CSMD1: variants seen among roughly 807,000 people sequenced by gnomAD.
The protein encoded by CSMD1 is CUB and sushi domain-containing protein 1.
A neutral mutation model predicts 417.5 loss-of-function variants in CSMD1; 213 were observed. The observed-to-expected ratio is 0.51, with a 90% CI of 0.46 to 0.57. The LOEUF (loss-of-function observed/expected upper bound fraction) is 0.57. Among genes scored for constraint, CSMD1 ranks in the 20% least tolerant of loss-of-function variants. The pLI, the probability that CSMD1 is intolerant of heterozygous loss-of-function variation, is 0.00. For synonymous variants in CSMD1, 2,862 were observed against 1,736.8 expected, an observed-to-expected ratio of 1.65 and a Z score of -16.11; for missense variants, 6,923 against 4,529.7, an observed-to-expected ratio of 1.53 and a Z score of -15.17.
chr8:3,295,408 G>A (rs1015537704), intron 25 of CSMD1, among the ~76,000 whole-genome samples: 8 of 152,136 alleles, frequency 5.3e-5, no homozygotes, highest in Admixed American at 2.0e-4. Context: ...TTAGAGGTGT[G>A]AGCCACTGAG....
At chr8:3,995,509 C>T (rs1024281534) in intron 5 of CSMD1, among the ~76,000 whole-genome samples, 1 of 152,172 alleles carries the variant, frequency 6.6e-6, no homozygotes, top group East Asian at 1.9e-4. Flanking sequence ...TCTGACAGGG[C>T]ATTGAAGCTC....
chr8:4,101,801 C>G (rs1164619753), intron 3 of CSMD1, among the ~76,000 whole-genome samples: 1 of 149,002 alleles, frequency 6.7e-6, no homozygotes, highest in East Asian at 2.0e-4. Context: ...TCTGTGAGTT[C>G]AAAGTGAACG....
intron 1 of CSMD1, among the ~76,000 whole-genome samples, chr8:4,881,181 C>G (rs1243437700): frequency 6.6e-6 from 1 of 152,156 alleles, no homozygotes; most frequent in South Asian, 2.1e-4. Flanking sequence ...TAGCAGTTTC[C>G]TTTGTGTGCT....
intron 5 of CSMD1, among the ~76,000 whole-genome samples, chr8:3,786,129 G>T (rs916447024): frequency 6.6e-6 from 1 of 152,092 alleles, no homozygotes; most frequent in Non-Finnish European, 1.5e-5. Flanking sequence ...TAGAGGTGAG[G>T]CTGCTTAGCA....
chr8:3,599,473 G>A (rs569887629), intron 8 of CSMD1, among the ~76,000 whole-genome samples: 1 of 151,806 alleles, frequency 6.6e-6, no homozygotes, highest in Non-Finnish European at 1.5e-5. Flanking sequence ...CCACAACGCA[G>A]CATTAGTAAC....
At chr8:4,689,193 C>T (rs1481979120) in intron 1 of CSMD1, among the ~76,000 whole-genome samples, 1 of 152,172 alleles carries the variant, frequency 6.6e-6, no homozygotes, top group South Asian at 2.1e-4. Context: ...TAGGTTTATT[C>T]TTTTGTGTTC....
At chr8:3,869,731 A>G (rs1805353058) in intron 5 of CSMD1, among the ~76,000 whole-genome samples, 1 of 152,038 alleles carries the variant, frequency 6.6e-6, no homozygotes, top group South Asian at 2.1e-4. Context: ...GGCAGGACCC[A>G]CCCCAGCAGA....
intron 10 of CSMD1, among the ~76,000 whole-genome samples, chr8:3,504,997 C>T (rs1005719880): frequency 7.3e-6 from 1 of 137,668 alleles, no homozygotes; most frequent in African/African-American, 2.8e-5. Context: ...GCAAACAAAA[C>T]AGTGATGGAG....
At chr8:4,838,295 T>C (rs61370767) in intron 1 of CSMD1, among the ~76,000 whole-genome samples, 20,899 of 152,196 alleles carry the variant, frequency 0.14, 1,742 homozygotes, top group East Asian at 0.27. Context: ...CGTCAGTCAC[T>C]GTGCTAACGT....
At chr8:4,537,753 T>C (rs1797171953) in intron 2 of CSMD1, among the ~76,000 whole-genome samples, 1 of 152,182 alleles carries the variant, frequency 6.6e-6, no homozygotes, top group East Asian at 1.9e-4. Flanking sequence ...GTGGAAGACC[T>C]ACCTGGCCTC....
chr8:4,188,369 T>C (rs1798807720), intron 3 of CSMD1, among the ~76,000 whole-genome samples: 1 of 152,192 alleles, frequency 6.6e-6, no homozygotes, highest in Non-Finnish European at 1.5e-5. Context: ...TCATTCATTC[T>C]GCATAATAGC....
chr8:3,443,899 G>A (rs1225928530), intron 12 of CSMD1, among the ~76,000 whole-genome samples: 1 of 152,200 alleles, frequency 6.6e-6, no homozygotes, highest in African/African-American at 2.4e-5. Context: ...GTAAGATACA[G>A]CAACTGAGAA....
chr8:3,606,904 G>A (rs929281396), intron 8 of CSMD1, among the ~76,000 whole-genome samples: 1 of 151,832 alleles, frequency 6.6e-6, no homozygotes, highest in African/African-American at 2.4e-5. Flanking sequence ...TAGAGACAGG[G>A]TTTCACCATG....
intron 3 of CSMD1, among the ~76,000 whole-genome samples, chr8:4,177,518 G>C (rs1209156791): frequency 6.6e-6 from 1 of 152,040 alleles, no homozygotes; most frequent in Non-Finnish European, 1.5e-5. Context: ...ACAATTAAAA[G>C]AACTAGAAAA....
At chr8:4,051,480 C>T (rs1344816198) in intron 3 of CSMD1, among the ~76,000 whole-genome samples, 1 of 152,176 alleles carries the variant, frequency 6.6e-6, no homozygotes, top group East Asian at 1.9e-4. Flanking sequence ...AAATTGAATG[C>T]ACCATTGTTG....
At position 3,099,975 on chromosome 8, in the gene CSMD1, T is replaced by C. The variant is rs535505137; in HGVS notation, c.6950-2938A>G. Among the ~76,000 whole-genome samples, 31 of 152,322 alleles carry C rather than the reference T, an allele frequency of 2.0e-4. 1 individual carries two copies. The South Asian group carries it at 2.9e-3, about 14-fold the overall frequency. On this transcript the variant is annotated intron_variant, in intron 46 of 69. Transcript: ENST00000635120. ...TTTCTTAAAATACTTAGCAATACTTTTTTCAGTCATACATATTGTTTTCAA... is the reference window on the plus strand; with the variant it reads ...TTTCTTAAAATACTTAGCAATACTTCTTTCAGTCATACATATTGTTTTCAA...
chr8:4,228,475 C>T (rs1174865914), intron 3 of CSMD1, among the ~76,000 whole-genome samples: 1 of 152,086 alleles, frequency 6.6e-6, no homozygotes, highest in Non-Finnish European at 1.5e-5. Context: ...ACACAGCTTC[C>T]ACTGTATCCT....
At chr8:3,649,396 G>T (rs62474660) in intron 7 of CSMD1, among the ~76,000 whole-genome samples, 2 of 152,036 alleles carry the variant, frequency 1.3e-5, no homozygotes, top group Non-Finnish European at 2.9e-5. Flanking sequence ...GTATTAGTTC[G>T]TTTTCACACT....
At chr8:3,734,972 G>C (rs1047080864) in intron 6 of CSMD1, among the ~76,000 whole-genome samples, 1 of 152,154 alleles carries the variant, frequency 6.6e-6, no homozygotes, top group African/African-American at 2.4e-5. Context: ...CTTGTTTTGA[G>C]AGCAATAGCT....
Sources: allele counts gnomAD v4.1 joint callset (sites outside exome capture counted in the v4.1 genomes callset), GRCh38; gene constraint gnomAD v4.1.1; transcripts MANE v1.5; gene names NCBI Gene and HGNC (gene_info 2026-07-23, HGNC 2026-07-21).